The following GABPB2 variants were observed in gnomAD, a reference collection of about 807,000 sequenced individuals.
GABPB2 encodes the protein GA-binding protein subunit beta-2.
A neutral mutation model predicts 39.1 loss-of-function variants in GABPB2; 23 were observed. The ratio of observed to expected loss-of-function variants is 0.59; its 90% CI spans 0.42 to 0.83. The LOEUF is 0.83. Ranked by LOEUF, GABPB2 falls within the 40% of genes least tolerant of loss-of-function variation. The pLI, the probability that GABPB2 is intolerant of heterozygous loss-of-function variation, is 0.00. For missense variants in GABPB2, 467 were observed against 541.1 expected, an observed-to-expected ratio of 0.86 and a Z score of 1.36; for synonymous variants, 184 against 199.3, an observed-to-expected ratio of 0.92 and a Z score of 0.65.
rs764248288 is a variant in GABPB2, at chr1:151,117,441, GGAA to G, written c.981_983del (p.Glu328del). 2.3e-5 allele frequency: 37 copies of G among 1,613,620 alleles called. No homozygotes were observed. Among genetic ancestry groups the G allele is most frequent in the East Asian group, 4.5e-5 (2 of 44,884 alleles). On this transcript the variant is annotated inframe_deletion, in exon 8 of 9. Transcript: ENST00000368918. ...TTGCAGAGGAGACTGTAATTAAAGA[GGAA>G]GAAGAAGAGAAGTTGCCACTAACAA...
At chr1:151,096,529 C>G (rs1341339160) in intron 4 of GABPB2, among the ~76,000 whole-genome samples, 1 of 151,968 alleles carries the variant, frequency 6.6e-6, no homozygotes, top group Non-Finnish European at 1.5e-5. Flanking sequence ...TGGTTAGTCC[C>G]TTGAACTTTC....
chr1:151,103,888 T>G (rs1679734914), intron 6 of GABPB2, among the ~76,000 whole-genome samples: 1 of 152,242 alleles, frequency 6.6e-6, no homozygotes, highest in African/African-American at 2.4e-5. Flanking sequence ...ACTGAATTAT[T>G]CCTTTGTGTG....
At chr1:151,102,229 G>T (rs1679581691) in intron 5 of GABPB2, among the ~76,000 whole-genome samples, 1 of 152,188 alleles carries the variant, frequency 6.6e-6, no homozygotes. Flanking sequence ...GCTGAGATAG[G>T]AGAAGCGCTT....
intron 1 of GABPB2, among the ~76,000 whole-genome samples, chr1:151,078,524 C>T (rs587765702): frequency 6.7e-6 from 1 of 148,550 alleles, no homozygotes; most frequent in African/African-American, 2.5e-5. Context: ...ATCCGGGAGA[C>T]GGAGCTTGCA....
intron 6 of GABPB2, among the ~76,000 whole-genome samples, chr1:151,105,997 T>C (rs980645840): frequency 6.6e-6 from 1 of 151,992 alleles, no homozygotes; most frequent in Non-Finnish European, 1.5e-5. Context: ...ATCTCGCTCT[T>C]GTCACCCAGG....
At chr1:151,091,276 C>A (rs587644347) in intron 3 of GABPB2, among the ~76,000 whole-genome samples, 5 of 150,288 alleles carry the variant, frequency 3.3e-5, no homozygotes, top group Non-Finnish European at 5.9e-5. Context: ...TTAGTAGAGA[C>A]GGGGTTTCAC....
Position 151,114,117 on chromosome 1 carries a change from C to T in GABPB2, c.923-3275C>T, listed in dbSNP as rs115280077. 7.8e-3 allele frequency among the ~76,000 whole-genome samples: 1,175 copies of T among 151,142 alleles called. 17 individuals carry two copies. Among genetic ancestry groups the T allele is most frequent in the African/African-American group, 0.028 (1,134 of 41,146 alleles). On this transcript the variant is annotated intron_variant, in intron 7 of 8. Transcript: ENST00000368918. ...TCCCAGCACTTTGGGAGGACTACGC[C>T]GGCAGATAGCTTAAGCCCAGGAGTT...
At chr1:151,089,398 A>G (rs1314052207) in intron 2 of GABPB2, among the ~76,000 whole-genome samples, 1 of 152,208 alleles carries the variant, frequency 6.6e-6, no homozygotes, top group Non-Finnish European at 1.5e-5. Context: ...GCATAACAAA[A>G]AGAAGGGAAT....
intron 7 of GABPB2, among the ~76,000 whole-genome samples, chr1:151,114,516 G>A (rs1418288269): frequency 6.6e-6 from 1 of 151,886 alleles, no homozygotes; most frequent in Non-Finnish European, 1.5e-5. Flanking sequence ...TGGCCAATAT[G>A]GTGAAACCAC....
At position 151,093,320 on chromosome 1, in the gene GABPB2, A is replaced by G; in HGVS notation, c.405A>G (p.Lys135=). 4 of 1,612,254 alleles carry G rather than the reference A, an allele frequency of 2.5e-6. No homozygotes were observed. The South Asian group carries it at 3.3e-5, about 13-fold the overall frequency. The change falls in exon 4 of 9, where the codon AAA becomes AAG. Residue 135 remains lysine, a synonymous_variant. Coordinates refer to ENST00000368918, the MANE Select transcript of GABPB2 (RefSeq NM_144618.3). ...GAGCTGATGTCCATGCTTTCAGCAA[A>G]TTTGATAAATCAGCCTTTGACATAG... ...KYGADVHAFS[K]FDKSAFDIAL... is the part of the protein sequence containing the mutation.
chr1:151,098,543 T>C (rs1003464345), intron 5 of GABPB2, among the ~76,000 whole-genome samples: 10 of 151,030 alleles, frequency 6.6e-5, no homozygotes, highest in African/African-American at 2.4e-4. Context: ...GATTAATCTA[T>C]TGAAGGGTTA....
chr1:151,093,432 A>T (rs200139893), intron 4 of GABPB2, 46 bp downstream of exon 4: 787 of 1,462,172 alleles, frequency 5.4e-4, no homozygotes, highest in Non-Finnish European at 7.0e-4. Flanking sequence ...AATTGAAGTT[A>T]AGGATTTTTT....
chr1:151,093,144 G>A (rs1378287217), intron 3 of GABPB2, 48 bp from the exon 4 acceptor site: 1 of 1,427,834 alleles, frequency 7.0e-7, no homozygotes, highest in Non-Finnish European at 9.4e-7. Context: ...TGTTGCACCT[G>A]TGCTACTATA....
intron 7 of GABPB2, among the ~76,000 whole-genome samples, chr1:151,111,556 G>A (rs922302720): frequency 6.6e-6 from 1 of 151,966 alleles, no homozygotes; most frequent in African/African-American, 2.4e-5. Flanking sequence ...CTGAGTAGCT[G>A]GGACTACAGG....
chr1:151,086,858 A>T (rs1444480762), intron 1 of GABPB2, among the ~76,000 whole-genome samples: 1 of 150,364 alleles, frequency 6.7e-6, no homozygotes, highest in Non-Finnish European at 1.5e-5. Flanking sequence ...TTGTATATAT[A>T]TTTTTTATTT....
At chr1:151,101,860 T>C (rs1412225144) in intron 5 of GABPB2, among the ~76,000 whole-genome samples, 2 of 152,160 alleles carry the variant, frequency 1.3e-5, no homozygotes, top group Non-Finnish European at 2.9e-5. Context: ...AACTGTTGAG[T>C]AATACTTTTT....
chr1:151,105,233 A>G (rs933745117), intron 6 of GABPB2, among the ~76,000 whole-genome samples: 1 of 151,870 alleles, frequency 6.6e-6, no homozygotes, highest in Non-Finnish European at 1.5e-5. Context: ...GAGACATTCC[A>G]TAGTGGTAGG....
intron 5 of GABPB2, 29 bp downstream of exon 5, chr1:151,098,031 T>G (rs368892897): frequency 1.6e-5 from 25 of 1,605,342 alleles, no homozygotes; most frequent in Non-Finnish European, 1.7e-6. Context: ...GAAATTTATT[T>G]TAGACTCAAA....
At chr1:151,113,193 G>T (rs1571989736) in intron 7 of GABPB2, among the ~76,000 whole-genome samples, 1 of 151,892 alleles carries the variant, frequency 6.6e-6, no homozygotes, top group Middle Eastern at 3.4e-3. Context: ...GATTGGCCGG[G>T]TGCGGTGGCT....
Sources: allele counts gnomAD v4.1 joint callset (sites outside exome capture counted in the v4.1 genomes callset), GRCh38; gene constraint gnomAD v4.1.1; transcripts MANE v1.5; gene names NCBI Gene and HGNC (gene_info 2026-07-23, HGNC 2026-07-21).